The following MIER1 variants were observed in gnomAD, a reference collection of about 807,000 sequenced individuals.
MIER1 encodes MIER1 transcriptional regulator.
Under a neutral mutation model 75.7 loss-of-function variants are expected in MIER1, and 40 were observed. The observed-to-expected ratio is 0.53, with a 90% CI of 0.41 to 0.69. The LOEUF (loss-of-function observed/expected upper bound fraction) is 0.69, where lower values mean the gene tolerates loss of function less well. Among genes scored for constraint, MIER1 ranks in the 30% least tolerant of loss-of-function variants. MIER1 has a pLI of 0.00. For synonymous variants in MIER1, 213 were observed against 223.4 expected (o/e 0.95, Z 0.42); for missense variants, 574 against 680.2 (o/e 0.84, Z 1.74).
At chr1:66,930,276 GGCGGGAGCGGCAGAGACGGCA>G in intron 2 of MIER1, 1 of 1,528,804 alleles carries the variant, frequency 6.5e-7, no homozygotes, top group South Asian at 1.2e-5. Flanking sequence ...AGGCAGTGGC[GGCGGGAGCGGCAGAGACGGCA>G]GCGGCCGGAG....
chr1:66,946,181 T>C lies in MIER1; in HGVS notation c.225T>C (p.Phe75=). ...CAGCAACATCAGATGACCATGAATTTGATCCATCAGCTGACATGCTGGTTC... is the reference window on the plus strand; with the variant it reads ...CAGCAACATCAGATGACCATGAATTCGATCCATCAGCTGACATGCTGGTTC... The part of the protein sequence containing the change: ...GGSATSDDHE[F]DPSADMLVHD... Residue 75 remains phenylalanine, a synonymous_variant, in exon 4 of 14, where the codon TTT becomes TTC. Transcript: ENST00000401041. 2.5e-6 allele frequency: 4 copies of C among 1,610,994 alleles called. No homozygotes were observed. Among genetic ancestry groups the C allele is most frequent in the Non-Finnish European group, 3.4e-6 (4 of 1,179,356 alleles).
intron 4 of MIER1, chr1:66,946,664 G>C: frequency 4.0e-6 from 4 of 992,964 alleles, no homozygotes; most frequent in Non-Finnish European, 4.8e-6. Flanking sequence ...AATTCTTGAA[G>C]TATCATTTTC....
chr1:66,977,414 GTT>G (rs1266409582), intron 12 of MIER1, among the ~76,000 whole-genome samples: 1 of 151,870 alleles, frequency 6.6e-6, no homozygotes, highest in Non-Finnish European at 1.5e-5. Context: ...CCAGCATACA[GTT>G]TTTTTATAGA....
chr1:66,951,951 C>T (rs7555264), intron 4 of MIER1, among the ~76,000 whole-genome samples: 5,584 of 152,272 alleles, frequency 0.037, 138 homozygotes, highest in Non-Finnish European at 0.054. Context: ...AGTTCTACTA[C>T]TTATTTCAGT....
intron 2 of MIER1, among the ~76,000 whole-genome samples, chr1:66,931,112 T>C (rs1653224561): frequency 6.6e-6 from 1 of 150,788 alleles, no homozygotes; most frequent in Non-Finnish European, 1.5e-5. Flanking sequence ...CTTTCTCTTC[T>C]AATTTTTCTT....
intron 2 of MIER1, among the ~76,000 whole-genome samples, chr1:66,939,186 GT>G (rs1558031030): frequency 2.6e-5 from 4 of 152,182 alleles, no homozygotes; most frequent in African/African-American, 7.2e-5. Flanking sequence ...CATCTTTTGA[GT>G]TTTTAATATT....
Position 66,959,700 on chromosome 1 carries a change from C to G in MIER1, c.656C>G (p.Ser219Cys). ...CTAGATAGTGAAGTAGAAGAAGAAT[C>G]TGAAGAAGATGAAGATTATATTCCA... ...FDTNSEVEEE[S>C]EEDEDYIPSE... The change falls in exon 7 of 14, where the codon TCT becomes TGT. Residue 219 changes from serine (S) to cysteine (C), a missense_variant. By Grantham distance (112) the Ser-to-Cys change is moderately radical (BLOSUM62 -1). This residue lies in a region of MIER1 where 309 missense variants were observed against 352.8 expected (regional missense o/e 0.88). Coordinates refer to ENST00000401041, the MANE Select transcript of MIER1 (RefSeq NM_001077700.3). 1 of 1,440,154 alleles carries G rather than the reference C, an allele frequency of 6.9e-7. No individual in the cohort carries two copies. Among genetic ancestry groups the G allele is most frequent in the Non-Finnish European group, 9.3e-7 (1 of 1,073,120 alleles). 89.2% of individuals were successfully genotyped at this position (1,440,154 alleles called of 1,614,324 possible). A position where few individuals can be genotyped will look rare whatever the true frequency, so the allele number is the denominator to read the frequency against.
Position 66,976,595 on chromosome 1 carries a change from G to A in MIER1, c.1102G>A (p.Val368Ile), listed in dbSNP as rs760191426. The change falls in exon 12 of 14, where the codon GTC becomes ATC. Residue 368 changes from valine (V) to isoleucine (I), a missense_variant and splice_region_variant. By Grantham distance (29) the Val-to-Ile change is conservative (BLOSUM62 3). Coordinates refer to ENST00000401041, the MANE Select transcript of MIER1 (RefSeq NM_001077700.3). ...KDFHLIQANK[V>I]RTRSVGECVA... Reference sequence around the variant, plus strand: ...AAAAGCAAGCATTTGTTTCTTACAGGTCCGAACAAGGTCAGTTGGTGAATG... The same window carrying A: ...AAAAGCAAGCATTTGTTTCTTACAGATCCGAACAAGGTCAGTTGGTGAATG... 6 of 1,576,028 alleles carry A rather than the reference G, an allele frequency of 3.8e-6. No individual in the cohort carries two copies. The East Asian group carries it at 1.1e-4, about 30-fold the overall frequency.
In MIER1 at chr1:66,930,680, G is replaced by C. The variant is rs573929641; in HGVS notation, c.168+4438G>C. 2.3e-3 allele frequency among the ~76,000 whole-genome samples: 343 copies of C among 152,212 alleles called. 1 individual carries two copies. The highest frequency in any genetic ancestry group is 4.2e-3 in the Non-Finnish European group (288 of 67,980). ...GTGCGAGGGGGAGGGGGCGCCCGCC[G>C]GGGAAGGGGTGCCTGTGGCGCAACT... is the stretch of plus-strand genomic sequence containing the variant. On this transcript the variant is annotated intron_variant, in intron 2 of 13. Transcript: ENST00000401041.
chr1:66,983,423 C>G (rs1460489986), intron 13 of MIER1, among the ~76,000 whole-genome samples: 1 of 152,126 alleles, frequency 6.6e-6, no homozygotes, highest in Non-Finnish European at 1.5e-5. Context: ...ATCCTTTATG[C>G]CGAATATTTT....
intron 2 of MIER1, chr1:66,930,167 G>C (rs990263960): frequency 1.6e-6 from 2 of 1,267,698 alleles, no homozygotes; most frequent in Non-Finnish European, 2.0e-6. Context: ...GCGCGTGCTC[G>C]CTGGTCTTTT....
chr1:66,950,600 A>G (rs1282217123), intron 4 of MIER1, among the ~76,000 whole-genome samples: 1 of 152,238 alleles, frequency 6.6e-6, no homozygotes, highest in Admixed American at 6.5e-5. Context: ...CAGTATCAGT[A>G]TTTAATACAT....
intron 12 of MIER1, among the ~76,000 whole-genome samples, chr1:66,978,433 A>G (rs1011662847): frequency 2.0e-5 from 3 of 152,152 alleles, no homozygotes; most frequent in African/African-American, 7.2e-5. Context: ...CCATTATTCA[A>G]AGCTGGTGAT....
At chr1:66,957,554 A>AC in intron 4 of MIER1, among the ~76,000 whole-genome samples, 1 of 148,504 alleles carries the variant, frequency 6.7e-6, no homozygotes, top group Non-Finnish European at 1.5e-5. Context: ...GTAGTCCATT[A>AC]TCATTTCTGT....
chr1:66,979,173 T>A (rs1428355051), intron 12 of MIER1, among the ~76,000 whole-genome samples: 1 of 152,228 alleles, frequency 6.6e-6, no homozygotes, highest in Non-Finnish European at 1.5e-5. Flanking sequence ...AGCTGTGTTA[T>A]GTCTTCTGTA....
chr1:66,980,817 T>C (rs1665727675), intron 12 of MIER1, among the ~76,000 whole-genome samples: 2 of 151,916 alleles, frequency 1.3e-5, no homozygotes, highest in Non-Finnish European at 2.9e-5. Context: ...CAGCAAACTT[T>C]TTCTGTAACA....
At chr1:66,977,429 A>G (rs1167404953) in intron 12 of MIER1, among the ~76,000 whole-genome samples, 4 of 151,948 alleles carry the variant, frequency 2.6e-5, no homozygotes, top group African/African-American at 4.8e-5. Context: ...TTTATAGAGG[A>G]AAAAAAACAT....
chr1:66,930,623 C>T (rs1652990969), intron 2 of MIER1, among the ~76,000 whole-genome samples: 1 of 151,248 alleles, frequency 6.6e-6, no homozygotes, highest in South Asian at 2.1e-4. Context: ...ACTTCGGGGG[C>T]AGTTTGAAGG....
chr1:66,956,534 C>G (rs1660164984), intron 4 of MIER1, among the ~76,000 whole-genome samples: 1 of 152,184 alleles, frequency 6.6e-6, no homozygotes, highest in Non-Finnish European at 1.5e-5. Context: ...ATGTCCTGTA[C>G]CAGATTCTTG....
Sources: allele counts gnomAD v4.1 joint callset (sites outside exome capture counted in the v4.1 genomes callset), GRCh38; gene constraint gnomAD v4.1.1; regional missense constraint gnomAD v4.1.1; transcripts MANE v1.5; gene names NCBI Gene and HGNC (gene_info 2026-07-23, HGNC 2026-07-21).